EXOC2: variants seen among roughly 807,000 people sequenced by gnomAD.
EXOC2 encodes exocyst complex component 2.
A neutral mutation model predicts 131.8 loss-of-function variants in EXOC2; 70 were observed. The ratio of observed to expected loss-of-function variants is 0.53; its 90% CI spans 0.44 to 0.65. The LOEUF (loss-of-function observed/expected upper bound fraction) is 0.65. EXOC2 is among the 30% of genes least tolerant of loss of function. The pLI is 0.00. For synonymous variants in EXOC2, 411 were observed against 398.4 expected (o/e 1.03, Z -0.38); for missense variants, 923 against 1,108.6 (o/e 0.83, Z 2.38).
chr6:672,069 T>C lies in EXOC2; in HGVS notation c.-44+20950A>G, dbSNP rs1449557307. On this transcript the variant is annotated intron_variant, in intron 1 of 27. Transcript: ENST00000230449. ...TCCCCTTCTTGGTTCCCACTATACA[T>C]ACATTATACTTTGTGTAACTGTCCC... 2.0e-5 allele frequency among the ~76,000 whole-genome samples: 3 copies of C among 152,320 alleles called. No individual in the cohort carries two copies. The South Asian group carries it at 6.2e-4, about 32-fold the overall frequency.
chr6:572,744 A>G (rs1482195082), intron 12 of EXOC2, 100 bp from the exon 13 acceptor site: 128 of 1,422,354 alleles, frequency 9.0e-5, no homozygotes, highest in Non-Finnish European at 1.2e-4. Context: ...CAAAACTCCA[A>G]CATGCACTAG....
At chr6:684,852 G>A (rs959454912) in intron 1 of EXOC2, among the ~76,000 whole-genome samples, 2 of 152,142 alleles carry the variant, frequency 1.3e-5, no homozygotes, top group African/African-American at 2.4e-5. Context: ...CATAAAAGCA[G>A]TACTTTTTAC....
chr6:671,667 A>G (rs1763876506), intron 1 of EXOC2, among the ~76,000 whole-genome samples: 1 of 152,188 alleles, frequency 6.6e-6, no homozygotes, highest in Non-Finnish European at 1.5e-5. Context: ...CGTCTGGAAA[A>G]AGTTTATTTC....
intron 1 of EXOC2, among the ~76,000 whole-genome samples, chr6:655,425 T>C (rs944666124): frequency 6.6e-6 from 1 of 152,262 alleles, no homozygotes; most frequent in African/African-American, 2.4e-5. Context: ...AAAAAACTCA[T>C]CTGTCTTTAT....
chr6:639,787 C>A (rs1581608557), intron 1 of EXOC2, among the ~76,000 whole-genome samples: 1 of 152,290 alleles, frequency 6.6e-6, no homozygotes, highest in South Asian at 2.1e-4. Flanking sequence ...TTCCCCTCTG[C>A]CCTCTAAAGG....
At chr6:570,253 C>A (rs948142658) in intron 13 of EXOC2, among the ~76,000 whole-genome samples, 3 of 151,998 alleles carry the variant, frequency 2.0e-5, no homozygotes, top group South Asian at 4.1e-4. Flanking sequence ...CCTGCCTCAG[C>A]CTCCCGAGTA....
At chr6:574,290 A>G (rs950064822) in intron 12 of EXOC2, among the ~76,000 whole-genome samples, 2 of 152,184 alleles carry the variant, frequency 1.3e-5, no homozygotes, top group African/African-American at 2.4e-5. Flanking sequence ...ATTTTGATAG[A>G]TATTATTGAA....
chr6:649,830 A>T (rs930879460), intron 1 of EXOC2, among the ~76,000 whole-genome samples: 1 of 152,260 alleles, frequency 6.6e-6, no homozygotes, highest in Non-Finnish European at 1.5e-5. Context: ...AAGCACTTTA[A>T]TACATTTTCC....
At chr6:535,300 G>C (rs1445770489) in intron 22 of EXOC2, among the ~76,000 whole-genome samples, 1 of 152,108 alleles carries the variant, frequency 6.6e-6, no homozygotes, top group African/African-American at 2.4e-5. Flanking sequence ...AGGAGATCGA[G>C]GCTGCAGCGT....
intron 6 of EXOC2, among the ~76,000 whole-genome samples, chr6:613,225 T>C (rs1760804725): frequency 6.6e-6 from 1 of 152,166 alleles, no homozygotes. Context: ...AAGGTTGCTA[T>C]TGGCAGGTGT....
chr6:632,851 T>G, intron 3 of EXOC2, 90 bp downstream of exon 3: 2 of 1,238,564 alleles, frequency 1.6e-6, no homozygotes, highest in Non-Finnish European at 2.2e-6. Context: ...TGCAAGTAGG[T>G]AGGTTTTACA....
chr6:598,872 C>T lies in EXOC2; in HGVS notation c.958G>A (p.Val320Ile). 6.2e-7 allele frequency: 1 copy of T among 1,610,686 alleles called. No homozygotes were observed. The highest frequency in any genetic ancestry group is 8.5e-7 in the Non-Finnish European group (1 of 1,178,936). The change falls in exon 9 of 28, where the codon GTT becomes ATT. Residue 320 changes from valine to isoleucine, a missense_variant. Val to Ile is a conservative substitution (Grantham distance 29). Transcript: ENST00000230449. The part of the protein sequence containing the change: ...KSLFGKTEVQ[V>I]FKKYYAEVET... ...ACATGAATCTTACATTTCTTGAAAA[C>T]TTGCACCTCCGTTTTCCCAAAAAGT... is the stretch of plus-strand genomic sequence containing the variant.
intron 21 of EXOC2, 51 bp downstream of exon 21, chr6:553,803 G>A: frequency 6.7e-7 from 1 of 1,499,146 alleles, no homozygotes; most frequent in Non-Finnish European, 9.3e-7. Flanking sequence ...TTGCGAAATT[G>A]TTGTTACACA....
chr6:555,342 AATCT>A, intron 19 of EXOC2, 54 bp from the exon 20 acceptor site: 1 of 1,156,434 alleles, frequency 8.6e-7, no homozygotes, highest in Non-Finnish European at 1.2e-6. Flanking sequence ...CCTAGACATT[AATCT>A]ATTTGGACAC....
chr6:598,146 A>G (rs753016621), intron 9 of EXOC2, 23 bp from the exon 10 acceptor site: 26 of 1,542,986 alleles, frequency 1.7e-5, no homozygotes, highest in Non-Finnish European at 2.2e-5. Flanking sequence ...AAAAGAATAC[A>G]CAAGATTTAC....
intron 23 of EXOC2, among the ~76,000 whole-genome samples, chr6:503,104 A>G (rs572861235): frequency 8.9e-4 from 135 of 152,332 alleles, no homozygotes; most frequent in African/African-American, 3.1e-3. Flanking sequence ...TAATATAAAA[A>G]TAAATCATTG....
intron 1 of EXOC2, among the ~76,000 whole-genome samples, chr6:638,559 AT>A (rs965568316): frequency 1.6e-4 from 24 of 152,214 alleles, no homozygotes; most frequent in Admixed American, 7.2e-4. Flanking sequence ...AACAGAAAAC[AT>A]TTCATAAGGT....
chr6:530,734 G>C (rs987565109), intron 23 of EXOC2, among the ~76,000 whole-genome samples: 1 of 152,168 alleles, frequency 6.6e-6, no homozygotes, highest in Non-Finnish European at 1.5e-5. Flanking sequence ...CTGGCCCTCT[G>C]CATCTGTGGC....
At chr6:495,056 T>TTC (rs1554115833) in intron 25 of EXOC2, among the ~76,000 whole-genome samples, 4 of 28,090 alleles carry the variant, frequency 1.4e-4, no homozygotes, top group African/African-American at 2.3e-4. Context: ...TTAAAACAAT[T>TTC]TTTTTTTTTT....
Sources: allele counts gnomAD v4.1 joint callset (sites outside exome capture counted in the v4.1 genomes callset), GRCh38; gene constraint gnomAD v4.1.1; transcripts MANE v1.5; gene names NCBI Gene and HGNC (gene_info 2026-07-23, HGNC 2026-07-21).